The following QRICH2 variants were observed in gnomAD, a reference collection of about 807,000 sequenced individuals.
QRICH2 encodes the protein glutamine-rich protein 2.
A neutral mutation model predicts 168.3 loss-of-function variants in QRICH2; 119 were observed. The observed-to-expected ratio is 0.71, with a 90% CI of 0.61 to 0.82. The LOEUF (loss-of-function observed/expected upper bound fraction) is 0.82. Among genes scored for constraint, QRICH2 ranks in the 40% least tolerant of loss-of-function variants. The pLI, the probability that QRICH2 is intolerant of heterozygous loss-of-function variation, is 0.00. For missense variants in QRICH2, 2,241 were observed against 2,491.6 expected (o/e 0.90, Z 2.14); for synonymous variants, 894 against 951.2 (o/e 0.94, Z 1.11).
At position 76,292,223 on chromosome 17, in the gene QRICH2, C is replaced by A; in HGVS notation, c.2504G>T (p.Gly835Val). Reference sequence around the variant, plus strand: ...TTGGACCAAACCACGCTGAACTGCACCAGGTTGAACCAAACCACGCTGATC... The same window carrying A: ...TTGGACCAAACCACGCTGAACTGCAACAGGTTGAACCAAACCACGCTGATC... ...GVDQRGLVQP[G>V]AVQRGLVQPG... The change falls in exon 4 of 19, where the codon GGT (glycine) becomes GTT (valine). Residue 835 changes from glycine (G) to valine (V), a missense_variant. Physicochemically the swap from Gly to Val is moderately radical, Grantham distance 109 (BLOSUM62 -3). This residue lies in a region of QRICH2 where 2,047 missense variants were observed against 2,303.8 expected (regional missense o/e 0.89). Coordinates refer to ENST00000680821, the MANE Select transcript of QRICH2 (RefSeq NM_001388453.1). 1 of 1,603,264 alleles carries A rather than the reference C, an allele frequency of 6.2e-7. No individual in the cohort carries two copies. The highest frequency in any genetic ancestry group is 2.3e-5 in the East Asian group (1 of 44,308).
At chr17:76,299,515 T>C (rs1449962108) in intron 3 of QRICH2, among the ~76,000 whole-genome samples, 1 of 152,000 alleles carries the variant, frequency 6.6e-6, no homozygotes, top group Non-Finnish European at 1.5e-5. Context: ...GGCGGGCGGA[T>C]CACCTGAGGT....
rs754108083 is a variant in QRICH2, at chr17:76,287,846, T to C, written c.3850A>G (p.Lys1284Glu). 1 of 1,614,132 alleles carries C rather than the reference T, an allele frequency of 6.2e-7. No homozygotes were observed. Among genetic ancestry groups the C allele is most frequent in the Non-Finnish European group, 8.5e-7 (1 of 1,180,028 alleles). The change falls in exon 6 of 19, where the codon AAG (lysine) becomes GAG (glutamate). Residue 1284 changes from lysine (K) to glutamate (E), a missense_variant. Lys to Glu is a moderately conservative substitution (Grantham distance 56, BLOSUM62 1). Around this residue, in one of 3 missense-constraint regions of QRICH2, gnomAD observed 2,047 missense variants for 2,303.8 expected, o/e 0.89. Coordinates refer to ENST00000680821, the MANE Select transcript of QRICH2 (RefSeq NM_001388453.1). ...LEGEGNQEAG[K>E]ELKAGELRLQ... ...CTCAGCTCTCCAGCTTTCAGTTCCTTCCCTGCTTCTTGATTCCCTTCCCCT... is the reference window on the plus strand; with the variant it reads ...CTCAGCTCTCCAGCTTTCAGTTCCTCCCCTGCTTCTTGATTCCCTTCCCCT...
chr17:76,275,022 G>A (rs957142237), intron 18 of QRICH2, among the ~76,000 whole-genome samples: 17 of 152,222 alleles, frequency 1.1e-4, no homozygotes, highest in African/African-American at 4.1e-4. Flanking sequence ...CTCCCTCAGC[G>A]CCGGGTCCTC....
chr17:76,291,654 G>A lies in QRICH2; in HGVS notation c.3073C>T (p.Leu1025Phe), dbSNP rs200262079. The change falls in exon 4 of 19, where the codon CTC (leucine) becomes TTC (phenylalanine). Residue 1025 changes from leucine to phenylalanine, a missense_variant. Leu to Phe is a conservative substitution (Grantham distance 22). Around this residue, in one of 3 missense-constraint regions of QRICH2, gnomAD observed 2,047 missense variants for 2,303.8 expected, o/e 0.89. Transcript: ENST00000680821. ...GREQYGQVSP[L>F]LASQGLASPG... ...GATGCCAAACCTTGACTGGCTAGGA[G>A]TGGTGACACCTGGCCGTATTGTTCT... 20 of 1,614,180 alleles carry A rather than the reference G, an allele frequency of 1.2e-5. No homozygotes were observed. Among genetic ancestry groups the A allele is most frequent in the Non-Finnish European group, 1.7e-5 (20 of 1,180,024 alleles).
chr17:76,301,459 C>CGG (rs1486718070), intron 3 of QRICH2: 1 of 236,228 alleles, frequency 4.2e-6, no homozygotes, highest in Non-Finnish European at 8.8e-6. Context: ...TCCCAACTAC[C>CGG]GGGGAGGCTG....
chr17:76,306,168 CAAAA>C lies in QRICH2; in HGVS notation c.535-1231_535-1228del, dbSNP rs368182885. Among the ~76,000 whole-genome samples, 12 of 68,114 alleles carry C rather than the reference CAAAA, an allele frequency of 1.8e-4. No homozygotes were observed. In the South Asian group the frequency reaches 2.9e-3, roughly 16 times the overall value. The allele number at this position is 68,114 out of a possible 152,430, so 44.7% of individuals were successfully genotyped here. A position where few individuals can be genotyped will look rare whatever the true frequency, so the allele number is the denominator to read the frequency against. On this transcript the variant is annotated intron_variant, in intron 1 of 18. Coordinates refer to ENST00000680821, the MANE Select transcript of QRICH2 (RefSeq NM_001388453.1). ...TGGGTGACAGAGTGAGAATGTGTCT[CAAAA>C]AAAAAAAAAAAAAAAAAAAAACCCA...
Position 76,274,055 on chromosome 17 carries a change from C to A in QRICH2, c.*24G>T. On this transcript the variant is annotated 3_prime_UTR_variant, in exon 19 of 19. Transcript: ENST00000680821. ...CGATTCGCCACACCTAAGCTTCCTC[C>A]TGAATGTTTATTTACACCTCCGCTC... The A allele has an allele frequency of 6.7e-7, 1 of 1,487,306 alleles. No individual in the cohort carries two copies. Among genetic ancestry groups the A allele is most frequent in the East Asian group, 2.7e-5 (1 of 36,988 alleles). 92.1% of individuals were successfully genotyped at this position (1,487,306 alleles called of 1,614,324 possible).
At chr17:76,287,347 G>T (rs772450881) in intron 6 of QRICH2, 41 bp from the exon 7 acceptor site, 2 of 1,465,950 alleles carry the variant, frequency 1.4e-6, no homozygotes, top group Non-Finnish European at 1.9e-6. Context: ...CCACACTCAG[G>T]CCAGACCCAT....
chr17:76,285,897 G>A (rs766797504), intron 7 of QRICH2, among the ~76,000 whole-genome samples: 1 of 151,720 alleles, frequency 6.6e-6, no homozygotes, highest in Non-Finnish European at 1.5e-5. Flanking sequence ...TTATGGCCAG[G>A]TGCGGTGGCT....
rs922822837 is a variant in QRICH2, at chr17:76,307,302, C to A, written c.534+163G>T. 1.3e-5 allele frequency among the ~76,000 whole-genome samples: 2 copies of A among 152,096 alleles called. No individual in the cohort carries two copies. The highest frequency in any genetic ancestry group is 2.9e-5 in the Non-Finnish European group (2 of 67,994). On this transcript the variant is annotated intron_variant, in intron 1 of 18. Transcript: ENST00000680821. This position sits in a 1 kb window ranked among gnomAD's most constrained non-coding sequence, Gnocchi z 5.3. Reference sequence around the variant, plus strand: ...GTGGACTGCAAGGTAGAGCATGGGCCACTCTATTTAGCCAGTCGCACTGAG... The same window carrying A: ...GTGGACTGCAAGGTAGAGCATGGGCAACTCTATTTAGCCAGTCGCACTGAG...
rs753111611 is a variant in QRICH2 at position 76,278,036 on chromosome 17, G to C, written c.5070C>G (p.Ile1690Met). Residue 1690 changes from isoleucine (I) to methionine (M), a missense_variant, in exon 15 of 19, where the codon ATC becomes ATG. This residue lies in a region of QRICH2 where 2,047 missense variants were observed against 2,303.8 expected (regional missense o/e 0.89). Transcript: ENST00000680821. ...GGCACTGGGCGTGCAGCAGCTCGCG[G>C]ATTATCTGGCTGCTGGCCTTGGTGG... ...GGSTKASSQI[I>M]RELLHAQCLG... 2 of 1,613,656 alleles carry C rather than the reference G, an allele frequency of 1.2e-6. No homozygotes were observed. The highest frequency in any genetic ancestry group is 8.5e-7 in the Non-Finnish European group (1 of 1,180,048).
In QRICH2 at chr17:76,280,812, C is replaced by A; in HGVS notation, c.4386+19G>T. 6.2e-7 allele frequency: 1 copy of A among 1,613,964 alleles called. No individual in the cohort carries two copies. ...ACATTGAGCCCCGGCCCCATCCCAGCCACCCTGCGGCCGCTCACAGCAATG... is the reference window on the plus strand; with the variant it reads ...ACATTGAGCCCCGGCCCCATCCCAGACACCCTGCGGCCGCTCACAGCAATG... On this transcript the variant is annotated intron_variant, in intron 9 of 18. Transcript: ENST00000680821. The surrounding 1 kb of genome is among the most constrained non-coding windows in gnomAD (Gnocchi z 7.4).
rs144470611 is a variant in QRICH2, at chr17:76,279,123, C to T, written c.4834G>A (p.Ala1612Thr). Residue 1612 changes from alanine (A) to threonine (T), a missense_variant, in exon 14 of 19, where the codon GCG becomes ACG. Physicochemically the swap from Ala to Thr is moderately conservative, Grantham distance 58 (BLOSUM62 0). Transcript: ENST00000680821. ...TGGTGCCCAGGTAGGCCTGGACCCG[C>T]GGGGGTCACGGGGATGGCACTGGGC... ...VTGHAIPVTP[A>T]GPGLPGHHSI... is the part of the protein sequence containing the mutation. 4.0e-5 allele frequency: 64 copies of T among 1,613,142 alleles called. No individual in the cohort carries two copies. The Admixed American group carries it at 5.5e-4, about 14-fold the overall frequency.
intron 3 of QRICH2, among the ~76,000 whole-genome samples, chr17:76,301,695 G>A (rs937166478): frequency 1.2e-4 from 14 of 114,178 alleles, no homozygotes; most frequent in African/African-American, 4.1e-5. Context: ...AGTTGGTGGT[G>A]TTTTATAATT....
intron 7 of QRICH2, among the ~76,000 whole-genome samples, chr17:76,283,438 T>C (rs889277377): frequency 1.3e-5 from 2 of 152,166 alleles, no homozygotes; most frequent in African/African-American, 2.4e-5. Context: ...CTGAGTGTGG[T>C]CCTGGGACAG....
intron 18 of QRICH2, 87 bp from the exon 19 acceptor site, chr17:76,274,347 G>C: frequency 1.4e-6 from 2 of 1,398,264 alleles, no homozygotes; most frequent in South Asian, 2.7e-5. Context: ...CAGGGAGGTT[G>C]AGAGCAGTTC....
chr17:76,275,474 T>C (rs958431551), intron 18 of QRICH2, among the ~76,000 whole-genome samples: 1 of 152,146 alleles, frequency 6.6e-6, no homozygotes. Context: ...GACCCGGGCA[T>C]GGCCTGTGCC....
At chr17:76,277,562 ACAGT>A (rs749783190) in intron 15 of QRICH2, among the ~76,000 whole-genome samples, 7 of 151,952 alleles carry the variant, frequency 4.6e-5, no homozygotes, top group African/African-American at 1.5e-4. Flanking sequence ...ACTCATACAC[ACAGT>A]CACACACACA....
At chr17:76,296,136 T>C (rs2070789176) in intron 3 of QRICH2, among the ~76,000 whole-genome samples, 2 of 151,562 alleles carry the variant, frequency 1.3e-5, no homozygotes, top group South Asian at 2.1e-4. Context: ...GGCAGGAGAA[T>C]TGCTTGAACC....
Sources: gnomAD v4.1 joint callset for allele counts (sites outside exome capture counted in the v4.1 genomes callset) on GRCh38, gnomAD v4.1.1 for gene constraint, gnomAD v4.1.1 regional missense constraint, Gnocchi (gnomAD v3.1) non-coding constraint, MANE v1.5 for transcripts, NCBI Gene and HGNC (gene_info 2026-07-23, HGNC 2026-07-21) for gene names.